The following CFAP299 variants were observed in gnomAD, a reference collection of about 807,000 sequenced individuals.
CFAP299 encodes cilia- and flagella-associated protein 299.
A neutral mutation model predicts 27.0 loss-of-function variants in CFAP299; 21 were observed. That is an observed-to-expected ratio of 0.78 (90% CI 0.55 to 1.12). The LOEUF is 1.12. CFAP299 is among the 50% of genes most tolerant of loss of function. The probability of loss-of-function intolerance (pLI) is 0.00; values close to 1 mark genes in which losing one functional copy is unlikely to be tolerated. For missense variants in CFAP299, 310 were observed against 276.6 expected, an observed-to-expected ratio of 1.12 and a Z score of -0.86; for synonymous variants, 104 against 98.1, an observed-to-expected ratio of 1.06 and a Z score of -0.36.
intron 3 of CFAP299, among the ~76,000 whole-genome samples, chr4:80,609,556 G>GT (rs1287568498): frequency 2.6e-5 from 4 of 151,898 alleles, no homozygotes; most frequent in African/African-American, 9.7e-5. Context: ...ATAATTTTAA[G>GT]TAGTCCAGAG....
intron 2 of CFAP299, among the ~76,000 whole-genome samples, chr4:80,527,725 CCT>C: frequency 6.6e-6 from 1 of 152,052 alleles, no homozygotes; most frequent in South Asian, 2.1e-4. Flanking sequence ...TGGCCTGACC[CCT>C]CTGTTTTGGA....
chr4:80,824,895 C>G (rs570951606), intron 3 of CFAP299, among the ~76,000 whole-genome samples: 1 of 151,776 alleles, frequency 6.6e-6, no homozygotes. Flanking sequence ...AAAGTATAGC[C>G]CATTCAAAGG....
chr4:80,564,626 C>T (rs1312432372), intron 2 of CFAP299, among the ~76,000 whole-genome samples: 1 of 151,936 alleles, frequency 6.6e-6, no homozygotes, highest in South Asian at 2.1e-4. Context: ...CAAGAATGCA[C>T]ACTGTCACCA....
chr4:80,422,286 A>T (rs1048322686), intron 2 of CFAP299, among the ~76,000 whole-genome samples: 2 of 152,122 alleles, frequency 1.3e-5, no homozygotes, highest in African/African-American at 2.4e-5. Context: ...AACAAACCAG[A>T]TGGGAAGCAG....
intron 4 of CFAP299, among the ~76,000 whole-genome samples, chr4:80,934,610 G>T (rs1471941028): frequency 6.6e-6 from 1 of 151,380 alleles, no homozygotes; most frequent in Non-Finnish European, 1.5e-5. Flanking sequence ...CTTTTTTCAA[G>T]ATTCAATCTT....
chr4:80,439,483 G>T (rs1009887934), intron 2 of CFAP299, among the ~76,000 whole-genome samples: 2 of 152,188 alleles, frequency 1.3e-5, no homozygotes, highest in Non-Finnish European at 2.9e-5. Context: ...GAAGCTGAGG[G>T]ACTATGACAT....
chr4:80,718,818 ATAC>A (rs1722639209), intron 3 of CFAP299, among the ~76,000 whole-genome samples: 1 of 152,152 alleles, frequency 6.6e-6, no homozygotes, highest in African/African-American at 2.4e-5. Context: ...GATGATAAAA[ATAC>A]TACATTTTAG....
chr4:80,331,143 G>A (rs980277935), upstream of CFAP299, among the ~76,000 whole-genome samples: 5 of 152,152 alleles, frequency 3.3e-5, no homozygotes, highest in African/African-American at 1.2e-4. Flanking sequence ...GTGAAAGAAT[G>A]TCCTAGGCAG....
At chr4:80,782,169 T>C (rs561960871) in intron 3 of CFAP299, among the ~76,000 whole-genome samples, 30 of 152,138 alleles carry the variant, frequency 2.0e-4, no homozygotes, top group African/African-American at 7.2e-4. Context: ...GACATTGACA[T>C]TCTTCAGTCA....
At chr4:80,814,248 T>A (rs1425065858) in intron 3 of CFAP299, among the ~76,000 whole-genome samples, 1 of 152,058 alleles carries the variant, frequency 6.6e-6, no homozygotes, top group East Asian at 1.9e-4. Context: ...GTTCTTTCCT[T>A]CAAAATGTTT....
chr4:80,576,255 C>T (rs189031840), intron 2 of CFAP299, among the ~76,000 whole-genome samples: 12 of 150,082 alleles, frequency 8.0e-5, no homozygotes, highest in African/African-American at 2.7e-4. Flanking sequence ...ACCCACTGGT[C>T]ATTCAAGAAT....
At chr4:80,333,108 A>T (rs1220624616), upstream of CFAP299, among the ~76,000 whole-genome samples, 1 of 152,144 alleles carries the variant, frequency 6.6e-6, no homozygotes, top group Non-Finnish European at 1.5e-5. Context: ...TTCCTTTCAC[A>T]CTGTCAATGA....
chr4:80,812,967 A>AT (rs1729230690), intron 3 of CFAP299, among the ~76,000 whole-genome samples: 1 of 152,180 alleles, frequency 6.6e-6, no homozygotes, highest in South Asian at 2.1e-4. Flanking sequence ...ATGAAGTGTT[A>AT]TTTTTTCATT....
intron 2 of CFAP299, among the ~76,000 whole-genome samples, chr4:80,416,937 A>G (rs1366413009): frequency 2.0e-5 from 3 of 152,200 alleles, no homozygotes; most frequent in Admixed American, 2.0e-4. Context: ...GAGTCCATAG[A>G]GTAAAGTGAA....
chr4:80,888,341 C>A (rs902216753), intron 4 of CFAP299, among the ~76,000 whole-genome samples: 1 of 151,890 alleles, frequency 6.6e-6, no homozygotes, highest in Non-Finnish European at 1.5e-5. Flanking sequence ...AGTAGTTATA[C>A]TTATGTTGAA....
In CFAP299 at chr4:80,390,898, T is replaced by TAC. The variant is rs778453080; in HGVS notation, c.242+28015_242+28016insCA. Among the ~76,000 whole-genome samples, 372 of 129,534 alleles carry TAC rather than the reference T, an allele frequency of 2.9e-3. 31 individuals are homozygous for TAC. The highest frequency in any genetic ancestry group is 4.4e-3 in the Non-Finnish European group (267 of 60,016). The allele number at this position is 129,534 out of a possible 152,430, so 85.0% of individuals were successfully genotyped here. On this transcript the variant is annotated intron_variant, in intron 2 of 5. Transcript: ENST00000358105. ...ATATGTATATATGTATATACACACA[T>TAC]ATGCATATATGTATATACACACATA...
chr4:80,816,460 G>A (rs1202228848), intron 3 of CFAP299, among the ~76,000 whole-genome samples: 1 of 152,044 alleles, frequency 6.6e-6, no homozygotes, highest in African/African-American at 2.4e-5. Context: ...AACAAACCAA[G>A]AAACCTTCTG....
At chr4:80,868,905 CTGTGTGTGTGTGTGTGTG>C (rs1184951626) in intron 3 of CFAP299, among the ~76,000 whole-genome samples, 6 of 137,676 alleles carry the variant, frequency 4.4e-5, no homozygotes, top group East Asian at 4.3e-4. Context: ...GCTTCTCTCT[CTGTGTGTGTGTGTGTGTG>C]TGTGTGTGTG....
At chr4:80,623,911 C>T (rs1373904006) in intron 3 of CFAP299, among the ~76,000 whole-genome samples, 1 of 152,194 alleles carries the variant, frequency 6.6e-6, no homozygotes, top group Non-Finnish European at 1.5e-5. Context: ...TCCCTTGTGG[C>T]AGGCAGTTCT....
Sources: allele counts gnomAD v4.1 joint callset (sites outside exome capture counted in the v4.1 genomes callset), GRCh38; gene constraint gnomAD v4.1.1; transcripts MANE v1.5; gene names NCBI Gene and HGNC (gene_info 2026-07-23, HGNC 2026-07-21).